The following ATP10B variants were observed in gnomAD, a reference collection of about 807,000 sequenced individuals.
ATP10B encodes ATPase phospholipid transporting 10B (putative).
ATP10B carries 122 observed loss-of-function variants against 141.2 expected under a neutral mutation model. The observed-to-expected ratio is 0.86, with a 90% CI of 0.75 to 1.00. The LOEUF is 1.00. Among genes scored for constraint, ATP10B ranks in the 50% least tolerant of loss-of-function variants. The pLI, the probability that ATP10B is intolerant of heterozygous loss-of-function variation, is 0.00. For missense variants in ATP10B, 1,876 were observed against 1,825.3 expected, an observed-to-expected ratio of 1.03 and a Z score of -0.51; for synonymous variants, 685 against 692.0, an observed-to-expected ratio of 0.99 and a Z score of 0.16.
At chr5:160,718,517 T>C (rs1765789114) in intron 2 of ATP10B, among the ~76,000 whole-genome samples, 1 of 152,134 alleles carries the variant, frequency 6.6e-6, no homozygotes, top group South Asian at 2.1e-4. Context: ...TAGCTTATAG[T>C]TTTATAGACT....
At chr5:160,777,122 G>A (rs1027734089) in intron 2 of ATP10B, among the ~76,000 whole-genome samples, 18 of 152,210 alleles carry the variant, frequency 1.2e-4, no homozygotes, top group African/African-American at 4.1e-4. Flanking sequence ...AGTGAGGAAA[G>A]ACGACCAGAG....
At chr5:160,754,091 G>A (rs1227728099) in intron 2 of ATP10B, among the ~76,000 whole-genome samples, 1 of 152,210 alleles carries the variant, frequency 6.6e-6, no homozygotes, top group Non-Finnish European at 1.5e-5. Flanking sequence ...GTCCAGATTT[G>A]AGTATAAAGT....
chr5:160,810,556 T>G (rs2127946029), intron 1 of ATP10B, among the ~76,000 whole-genome samples: 1 of 152,268 alleles, frequency 6.6e-6, no homozygotes, highest in South Asian at 2.1e-4. Context: ...GGGTGGTGGG[T>G]TCTCTGTGTG....
At chr5:160,761,211 A>G (rs968744577) in intron 2 of ATP10B, among the ~76,000 whole-genome samples, 10 of 152,300 alleles carry the variant, frequency 6.6e-5, no homozygotes, top group African/African-American at 2.4e-4. Flanking sequence ...TGTCCACATG[A>G]CAACTTCACT....
At chr5:160,591,175 T>C (rs1756269078) in intron 22 of ATP10B, 36 bp from the exon 23 acceptor site, 1 of 1,573,224 alleles carries the variant, frequency 6.4e-7, no homozygotes, top group Non-Finnish European at 8.7e-7. Flanking sequence ...TTATCACCCT[T>C]ATAGCAAGCC....
At chr5:160,610,287 C>A (rs1231362683) in intron 18 of ATP10B, among the ~76,000 whole-genome samples, 1 of 152,156 alleles carries the variant, frequency 6.6e-6, no homozygotes, top group African/African-American at 2.4e-5. Flanking sequence ...TGTTGTATAG[C>A]AGTCCTGTGG....
chr5:160,580,591 A>C (rs1279376920), intron 24 of ATP10B, among the ~76,000 whole-genome samples: 2 of 152,214 alleles, frequency 1.3e-5, no homozygotes, highest in African/African-American at 2.4e-5. Context: ...TTTTGCATCA[A>C]TGTTTAACAG....
At position 160,791,485 on chromosome 5, in the gene ATP10B, A is replaced by G. The variant is rs545706548; in HGVS notation, c.-575-5682T>C. Among the ~76,000 whole-genome samples, 38 of 152,242 alleles carry G rather than the reference A, an allele frequency of 2.5e-4. No individual in the cohort carries two copies. The South Asian group carries it at 7.1e-3, about 28-fold the overall frequency. ...AAAGTCATCCTTTTGGCTTCAAACA[A>G]GTCTGGAGATAGGCAGTCCAGGGCC... On this transcript the variant is annotated intron_variant, in intron 1 of 25. Transcript: ENST00000327245.
At chr5:160,821,970 T>C (rs1774144363) in intron 1 of ATP10B, among the ~76,000 whole-genome samples, 1 of 151,974 alleles carries the variant, frequency 6.6e-6, no homozygotes. Flanking sequence ...TCTTGAATAA[T>C]ACCCCACAAG....
chr5:160,668,739 G>C (rs1042078734), intron 7 of ATP10B, among the ~76,000 whole-genome samples: 1 of 152,132 alleles, frequency 6.6e-6, no homozygotes, highest in African/African-American at 2.4e-5. Flanking sequence ...TGAGTCTCTT[G>C]GGTAGCAAAC....
At chr5:160,870,177 G>T in the ATP10B span, among the ~76,000 whole-genome samples, 1 of 152,108 alleles carries the variant, frequency 6.6e-6, no homozygotes, top group Non-Finnish European at 1.5e-5. Context: ...CAAGGGGAAA[G>T]AAAGTAACCT....
Position 160,644,176 on chromosome 5 carries a change from C to T in ATP10B, c.830G>A (p.Arg277Lys). The T allele has an allele frequency of 2.5e-6, 4 of 1,613,944 alleles. No individual in the cohort carries two copies. In the South Asian group the frequency reaches 4.4e-5, roughly 18 times the overall value. Residue 277 changes from arginine (R) to lysine (K), a missense_variant, in exon 9 of 26, where the codon AGA becomes AAA. By Grantham distance (26) the Arg-to-Lys change is conservative (BLOSUM62 2). Coordinates refer to ENST00000327245, the MANE Select transcript of ATP10B (RefSeq NM_025153.3). ...AATGCCAACAGCCATCTCGGTGTTT[C>T]TGATGGTGCAGCCTCGAAGCAGAAG... is the stretch of plus-strand genomic sequence containing the variant. ...ESLLLRGCTI[R>K]NTEMAVGIVI...
At chr5:160,761,309 A>T (rs145753682) in intron 2 of ATP10B, among the ~76,000 whole-genome samples, 3 of 152,296 alleles carry the variant, frequency 2.0e-5, no homozygotes, top group African/African-American at 7.2e-5. Flanking sequence ...CTCCCCTGCC[A>T]ACTCCACTAG....
the ATP10B span, among the ~76,000 whole-genome samples, chr5:160,924,685 G>T: frequency 6.6e-6 from 1 of 152,178 alleles, no homozygotes; most frequent in African/African-American, 2.4e-5. Flanking sequence ...ACGAGAAATG[G>T]TAATTGTGTT....
the ATP10B span, among the ~76,000 whole-genome samples, chr5:160,912,273 T>C: frequency 6.6e-6 from 1 of 152,036 alleles, no homozygotes; most frequent in Non-Finnish European, 1.5e-5. Context: ...TCATTTGTAA[T>C]TAGAAATATA....
At position 160,849,095 on chromosome 5, in the gene ATP10B, C is replaced by T. The variant is rs143348454; in HGVS notation, c.-576+2846G>A. Reference sequence around the variant, plus strand: ...AGTTCCCGAGTAATTCTGATACAGCCGGCCCAGGAAGCATATTTGGGAACC... The same window carrying T: ...AGTTCCCGAGTAATTCTGATACAGCTGGCCCAGGAAGCATATTTGGGAACC... On this transcript the variant is annotated intron_variant, in intron 1 of 25. Transcript: ENST00000327245. Among the ~76,000 whole-genome samples, 347 of 152,232 alleles carry T rather than the reference C, an allele frequency of 2.3e-3. 1 individual carries two copies. Among genetic ancestry groups the T allele is most frequent in the African/African-American group, 7.3e-3 (303 of 41,534 alleles).
chr5:160,834,499 T>C (rs571498458), intron 1 of ATP10B, among the ~76,000 whole-genome samples: 1 of 152,264 alleles, frequency 6.6e-6, no homozygotes, highest in East Asian at 1.9e-4. Context: ...ACATATATCA[T>C]TAATGGATCT....
At chr5:160,816,739 T>G (rs1329903644) in intron 1 of ATP10B, among the ~76,000 whole-genome samples, 1 of 152,168 alleles carries the variant, frequency 6.6e-6, no homozygotes, top group East Asian at 1.9e-4. Context: ...TAAACATCGA[T>G]GCAAAAATCC....
chr5:160,827,381 G>GT (rs1391436393), intron 1 of ATP10B, among the ~76,000 whole-genome samples: 34 of 152,076 alleles, frequency 2.2e-4, no homozygotes, highest in Admixed American at 2.2e-3. Flanking sequence ...TCTAATTGTG[G>GT]TTTTGATTTG....
Sources: allele counts gnomAD v4.1 joint callset (sites outside exome capture counted in the v4.1 genomes callset), GRCh38; gene constraint gnomAD v4.1.1; transcripts MANE v1.5; gene names NCBI Gene and HGNC (gene_info 2026-07-23, HGNC 2026-07-21).